CFAP99: variants seen among roughly 807,000 people sequenced by gnomAD.
CFAP99 encodes the protein cilia and flagella associated protein 99.
In CFAP99, 84 loss-of-function variants were observed where a neutral mutation model predicts 82.7. The ratio of observed to expected loss-of-function variants is 1.02; its 90% CI spans 0.85 to 1.22. The LOEUF (loss-of-function observed/expected upper bound fraction) is 1.22. Among genes scored for constraint, CFAP99 ranks in the 50% most tolerant of loss-of-function variants. The probability of loss-of-function intolerance (pLI) is 0.00; values close to 1 mark genes in which losing one functional copy is unlikely to be tolerated. For missense variants in CFAP99, 1,059 were observed against 983.5 expected, an observed-to-expected ratio of 1.08 and a Z score of -1.03; for synonymous variants, 456 against 429.5, an observed-to-expected ratio of 1.06 and a Z score of -0.76.
At chr4:2,457,710 T>A (rs769209516) in intron 11 of CFAP99, among the ~76,000 whole-genome samples, 1 of 152,216 alleles carries the variant, frequency 6.6e-6, no homozygotes, top group Non-Finnish European at 1.5e-5. Flanking sequence ...CCTATCCCTG[T>A]CCACTGCTCC....
At chr4:2,451,093 G>C in intron 9 of CFAP99, 75 bp downstream of exon 9, 1 of 1,488,350 alleles carries the variant, frequency 6.7e-7, no homozygotes, top group Non-Finnish European at 9.1e-7. Flanking sequence ...GCCCGTAGAG[G>C]CTCAGATGAC....
intron 4 of CFAP99, among the ~76,000 whole-genome samples, chr4:2,441,666 C>G (rs1325193160): frequency 6.6e-6 from 1 of 152,242 alleles, no homozygotes; most frequent in Non-Finnish European, 1.5e-5. Context: ...CCCAAGGGAA[C>G]TGCCCAGGAG....
chr4:2,429,969 C>A (rs543305188), intron 2 of CFAP99, among the ~76,000 whole-genome samples: 1 of 152,368 alleles, frequency 6.6e-6, no homozygotes, highest in South Asian at 2.1e-4. Flanking sequence ...GGACAACTCG[C>A]TTTCCTCTCC....
chr4:2,442,589 C>T (rs945734300), intron 4 of CFAP99, among the ~76,000 whole-genome samples: 65 of 152,178 alleles, frequency 4.3e-4, no homozygotes, highest in African/African-American at 1.5e-3. Context: ...CTCCCTGCCC[C>T]CAAGACCACC....
intron 8 of CFAP99, 107 bp downstream of exon 8, chr4:2,450,112 A>G: frequency 8.8e-7 from 1 of 1,141,564 alleles, no homozygotes; most frequent in East Asian, 2.6e-5. Flanking sequence ...GCCTTTTCCC[A>G]CTGAGGGCCG....
chr4:2,437,111 G>A (rs1211332279), intron 3 of CFAP99, 93 bp downstream of exon 3: 23 of 1,438,792 alleles, frequency 1.6e-5, no homozygotes, highest in South Asian at 6.5e-5. Flanking sequence ...GCGGGCAGGC[G>A]GGGCCAGCTC....
intron 8 of CFAP99, chr4:2,450,460 A>G (rs553715879): frequency 3.6e-6 from 1 of 278,322 alleles, no homozygotes; most frequent in South Asian, 4.0e-5. Flanking sequence ...GGCAGCCCAT[A>G]TGGTGCATGC....
At chr4:2,445,401 C>A in intron 6 of CFAP99, 93 bp downstream of exon 6, 2 of 1,120,842 alleles carry the variant, frequency 1.8e-6, no homozygotes, top group East Asian at 3.2e-5. Flanking sequence ...GGGGACTGGG[C>A]TCCCCCCAGG....
At position 2,442,828 on chromosome 4, in the gene CFAP99, G is replaced by A. The variant is rs567498466; in HGVS notation, c.352-302G>A. ...CCTCCAGCACCAGCATCAGAGTTCC[G>A]TGGTGACAGTCCCAGAAGCACACCC... On this transcript the variant is annotated intron_variant, in intron 4 of 14. Transcript: ENST00000635017. Among the ~76,000 whole-genome samples, 6 of 152,276 alleles carry A rather than the reference G, an allele frequency of 3.9e-5. No homozygotes were observed. The East Asian group carries it at 1.2e-3, about 29-fold the overall frequency.
intron 1 of CFAP99, among the ~76,000 whole-genome samples, chr4:2,425,540 C>A (rs375595143): frequency 5.3e-5 from 8 of 152,174 alleles, no homozygotes; most frequent in African/African-American, 1.7e-4. Flanking sequence ...CTGTCCCCAA[C>A]TTTGGTGGCC....
chr4:2,460,317 G>C lies in CFAP99; in HGVS notation c.1661+75G>C, dbSNP rs560133789. On this transcript the variant is annotated intron_variant, in intron 14 of 14. Transcript: ENST00000635017. ...TGTAAGCCTGCCTTGCACCCTCCTG[G>C]GTGGGTCTCCTAGAAACAACCACCA... 40 of 1,368,184 alleles carry C rather than the reference G, an allele frequency of 2.9e-5. No homozygotes were observed. In the East Asian group the frequency reaches 6.0e-4, roughly 21 times the overall value. 84.8% of individuals were successfully genotyped at this position (1,368,184 alleles called of 1,614,324 possible).
chr4:2,423,449 C>A (rs894567075), intron 1 of CFAP99, among the ~76,000 whole-genome samples: 105 of 152,322 alleles, frequency 6.9e-4, no homozygotes, highest in African/African-American at 2.4e-3. Flanking sequence ...GCCTCCTGGG[C>A]CTTTCTGCTC....
intron 1 of CFAP99, among the ~76,000 whole-genome samples, chr4:2,420,384 G>T (rs1733550637): frequency 6.6e-6 from 1 of 151,930 alleles, no homozygotes; most frequent in African/African-American, 2.4e-5. Context: ...CAAATTTAAC[G>T]TGTCCCAAAC....
exon 2 of CFAP99, chr4:2,426,487 T>C (rs1316625961): frequency 2.6e-6 from 4 of 1,535,786 alleles, no homozygotes; most frequent in Middle Eastern, 1.7e-4. Context: ...TGGCCTACTA[T>C]GGAAAATGCA....
intron 4 of CFAP99, among the ~76,000 whole-genome samples, chr4:2,439,754 T>G (rs929922731): frequency 6.6e-6 from 1 of 152,170 alleles, no homozygotes; most frequent in African/African-American, 2.4e-5. Context: ...GGGGCCAGCT[T>G]CCCTGGAAAC....
intron 2 of CFAP99, among the ~76,000 whole-genome samples, chr4:2,435,191 G>A (rs772002454): frequency 1.3e-5 from 2 of 151,818 alleles, no homozygotes; most frequent in African/African-American, 2.4e-5. Context: ...CCAGCTGTTC[G>A]GGAGGCTGAG....
chr4:2,450,830 T>A, intron 8 of CFAP99, 117 bp from the exon 9 acceptor site: 1 of 776,456 alleles, frequency 1.3e-6, no homozygotes, highest in South Asian at 1.5e-5. Context: ...GGGGGGAGGA[T>A]GAAGAGGGGT....
chr4:2,461,441 C>T (rs776821948), intron 14 of CFAP99, among the ~76,000 whole-genome samples: 1 of 152,182 alleles, frequency 6.6e-6, no homozygotes, highest in African/African-American at 2.4e-5. Flanking sequence ...TTGGAGGGGC[C>T]GCTGCTCTGG....
Position 2,446,554 on chromosome 4 carries a change from G to A in CFAP99, c.642+1246G>A, listed in dbSNP as rs543232944. On this transcript the variant is annotated intron_variant, in intron 6 of 14. Coordinates refer to ENST00000635017, the Ensembl canonical transcript of CFAP99. This position sits in a 1 kb window ranked among gnomAD's most constrained non-coding sequence, Gnocchi z 5.0. ...ATTACAGGTACCGGCCACCACACCC[G>A]GCTAATTTTTATATTTTTAGTAGAG... 1.3e-5 allele frequency among the ~76,000 whole-genome samples: 2 copies of A among 152,060 alleles called. No individual in the cohort carries two copies. Among genetic ancestry groups the A allele is most frequent in the South Asian group, 2.1e-4 (1 of 4,810 alleles).
Sources: gnomAD v4.1 joint callset for allele counts (sites outside exome capture counted in the v4.1 genomes callset) on GRCh38, gnomAD v4.1.1 for gene constraint, Gnocchi (gnomAD v3.1) non-coding constraint, MANE v1.5 for transcripts, NCBI Gene and HGNC (gene_info 2026-07-23, HGNC 2026-07-21) for gene names.